Variants in FNIP1 observed in about 807,000 individuals in gnomAD.
The protein encoded by FNIP1 is folliculin interacting protein 1.
In FNIP1, 40 loss-of-function variants were observed where a neutral mutation model predicts 124.5. The observed-to-expected ratio is 0.32, with a 90% CI of 0.25 to 0.42. The LOEUF (loss-of-function observed/expected upper bound fraction) is 0.42, where lower values mean the gene tolerates loss of function less well. FNIP1 is among the 10% of genes least tolerant of loss of function. The probability of loss-of-function intolerance (pLI) is 1.00; values close to 1 mark genes in which losing one functional copy is unlikely to be tolerated. For missense variants in FNIP1, 1,176 were observed against 1,403.7 expected (o/e 0.84, Z 2.59); for synonymous variants, 472 against 470.6 (o/e 1.00, Z -0.04).
Position 131,707,784 on chromosome 5 carries a change from A to G in FNIP1, c.779-1238T>C, listed in dbSNP as rs993558663. Among the ~76,000 whole-genome samples, 22 of 152,328 alleles carry G rather than the reference A, an allele frequency of 1.4e-4. No homozygotes were observed. In the East Asian group the frequency reaches 2.5e-3, roughly 17 times the overall value. ...CTATTAGAAAAAAAAGAAAACACAC[A>G]TTAACTTAAATGGCATATATGAATC... is the stretch of plus-strand genomic sequence containing the variant. On this transcript the variant is annotated intron_variant, in intron 8 of 17. Transcript: ENST00000510461.
chr5:131,665,573 A>AATAT (rs559618794), intron 15 of FNIP1, among the ~76,000 whole-genome samples: 2 of 149,592 alleles, frequency 1.3e-5, no homozygotes, highest in Non-Finnish European at 3.0e-5. Context: ...AGGATTAAAA[A>AATAT]ATATATATAT....
chr5:131,761,864 A>C (rs1376170544), intron 1 of FNIP1, among the ~76,000 whole-genome samples: 1 of 152,202 alleles, frequency 6.6e-6, no homozygotes, highest in Non-Finnish European at 1.5e-5. Context: ...TTTAAATTAT[A>C]CTACAGTGCT....
At chr5:131,724,737 G>C (rs750712219) in intron 3 of FNIP1, among the ~76,000 whole-genome samples, 1 of 152,142 alleles carries the variant, frequency 6.6e-6, no homozygotes, top group Non-Finnish European at 1.5e-5. Flanking sequence ...GGCTTTTGTT[G>C]CCATTGCTTT....
intron 1 of FNIP1, among the ~76,000 whole-genome samples, chr5:131,772,664 A>G (rs1339918225): frequency 6.6e-6 from 1 of 152,104 alleles, no homozygotes; most frequent in Non-Finnish European, 1.5e-5. Flanking sequence ...CAGTCTCCCA[A>G]TTGGGTAGAT....
At chr5:131,743,865 A>G (rs539414080) in intron 2 of FNIP1, among the ~76,000 whole-genome samples, 1 of 152,306 alleles carries the variant, frequency 6.6e-6, no homozygotes, top group South Asian at 2.1e-4. Flanking sequence ...TTGTTATAGT[A>G]GCCTGAACTA....
Position 131,672,329 on chromosome 5 carries a change from T to G in FNIP1, c.2115A>C (p.Thr705=), listed in dbSNP as rs769749960. 16 of 1,614,104 alleles carry G rather than the reference T, an allele frequency of 9.9e-6. No individual in the cohort carries two copies. Among genetic ancestry groups the G allele is most frequent in the Non-Finnish European group, 1.3e-5 (15 of 1,180,032 alleles). ...AATCCAGCAACTTCTCACTCTGCCA[T>G]GTTTCCTCTGTTGACTCTAAGCCTG... ...SESGLESTEE[T]WQSEKLLDSD... is the part of the protein sequence containing the mutation. Residue 705 remains threonine, a synonymous_variant, in exon 14 of 18, where the codon ACA becomes ACC. Coordinates refer to ENST00000510461, the MANE Select transcript of FNIP1 (RefSeq NM_133372.3).
Position 131,644,843 on chromosome 5 carries a change from G to C in FNIP1, c.3423-80C>G. The stretch of plus-strand genomic sequence containing the variant: ...ACTCTACAGGCAATGACCACCAACT[G>C]TAAGGTCACTATACCTCAACGGTTA... On this transcript the variant is annotated intron_variant, in intron 17 of 17. Coordinates refer to ENST00000510461, the MANE Select transcript of FNIP1 (RefSeq NM_133372.3). 1.1e-5 allele frequency: 15 copies of C among 1,368,622 alleles called. 1 individual carries two copies. Among genetic ancestry groups the C allele is most frequent in the Non-Finnish European group, 1.5e-5 (14 of 965,188 alleles). 84.8% of individuals were successfully genotyped at this position (1,368,622 alleles called of 1,614,324 possible). A position where few individuals can be genotyped will look rare whatever the true frequency, so the allele number is the denominator to read the frequency against.
intron 7 of FNIP1, among the ~76,000 whole-genome samples, chr5:131,709,968 C>A (rs1021404466): frequency 2.6e-5 from 4 of 151,952 alleles, no homozygotes; most frequent in Admixed American, 1.3e-4. Flanking sequence ...TTAGGTAATC[C>A]GCTAAAATGT....
intron 17 of FNIP1, 24 bp from the exon 18 acceptor site, chr5:131,644,787 T>C: frequency 1.2e-6 from 2 of 1,610,604 alleles, no homozygotes; most frequent in Non-Finnish European, 1.7e-6. Flanking sequence ...GAAAAAAATG[T>C]CAGTTTTGAT....
rs1050437024 is a variant in FNIP1 at position 131,674,404 on chromosome 5, A to G, written c.1520-1480T>C. Among the ~76,000 whole-genome samples, 3 of 152,150 alleles carry G rather than the reference A, an allele frequency of 2.0e-5. No individual in the cohort carries two copies. In the East Asian group the frequency reaches 5.8e-4, roughly 29 times the overall value. On this transcript the variant is annotated intron_variant, in intron 13 of 17. Transcript: ENST00000510461. ...ATGCTATACTTCAAATTAAACCAGT[A>G]ATTTCAGTGCCAAAACTATGGAGAA...
At position 131,644,766 on chromosome 5, in the gene FNIP1, G is replaced by A. The variant is rs748504184; in HGVS notation, c.3423-3C>T. 8.1e-6 allele frequency: 13 copies of A among 1,613,486 alleles called. No homozygotes were observed. In the East Asian group the frequency reaches 2.9e-4, roughly 36 times the overall value. On this transcript the variant is annotated splice_polypyrimidine_tract_variant and splice_region_variant and intron_variant, in intron 17 of 17. Coordinates refer to ENST00000510461, the MANE Select transcript of FNIP1 (RefSeq NM_133372.3). ...GTGGAAGATCACTGGATTCAATCCT[G>A]AAATAAAGGGGAAAAAAATGTCAGT...
At chr5:131,696,208 C>T (rs1001935731) in intron 11 of FNIP1, among the ~76,000 whole-genome samples, 1 of 152,070 alleles carries the variant, frequency 6.6e-6, no homozygotes, top group African/African-American at 2.4e-5. Flanking sequence ...AGTTATGAAG[C>T]CAAAGTAGAC....
intron 15 of FNIP1, 21 bp from the exon 16 acceptor site, chr5:131,652,020 C>A: frequency 1.3e-6 from 2 of 1,594,578 alleles, no homozygotes; most frequent in East Asian, 2.2e-5. Context: ...AAGAATAATT[C>A]ATCTTATGTT....
intron 1 of FNIP1, among the ~76,000 whole-genome samples, chr5:131,761,998 C>T (rs1271080076): frequency 6.6e-6 from 1 of 152,122 alleles, no homozygotes; most frequent in Non-Finnish European, 1.5e-5. Context: ...CAAGAACATA[C>T]ATTTGAGAAA....
chr5:131,703,323 T>C (rs1443125837), intron 10 of FNIP1, among the ~76,000 whole-genome samples: 1 of 152,254 alleles, frequency 6.6e-6, no homozygotes, highest in Non-Finnish European at 1.5e-5. Flanking sequence ...CATCTACTTT[T>C]GCTCCTAGAA....
At position 131,695,644 on chromosome 5, in the gene FNIP1, G is replaced by C. The variant is rs571312418; in HGVS notation, c.1202+3273C>G. On this transcript the variant is annotated intron_variant, in intron 11 of 17. Transcript: ENST00000510461. ...CCGAAGTATAAACTAATAATCTTCC[G>C]AGGCCTGGCAGGAATAAAATTATAC... 7.2e-5 allele frequency among the ~76,000 whole-genome samples: 11 copies of C among 152,186 alleles called. No homozygotes were observed. In the South Asian group the frequency reaches 2.3e-3, roughly 32 times the overall value.
At chr5:131,728,029 T>G (rs775225936) in intron 3 of FNIP1, among the ~76,000 whole-genome samples, 23 of 152,292 alleles carry the variant, frequency 1.5e-4, no homozygotes, top group Admixed American at 3.9e-4. Context: ...GGCTTTAGAG[T>G]TTCTGCAGAG....
chr5:131,766,506 T>C (rs184653958), intron 1 of FNIP1, among the ~76,000 whole-genome samples: 7 of 152,332 alleles, frequency 4.6e-5, no homozygotes, highest in Admixed American at 3.3e-4. Context: ...TGTCATAGTC[T>C]AGAAGGTTTC....
At chr5:131,709,134 G>C in intron 8 of FNIP1, 67 bp downstream of exon 8, 1 of 1,272,406 alleles carries the variant, frequency 7.9e-7, no homozygotes, top group Middle Eastern at 1.9e-4. Flanking sequence ...ATAAAGGGAG[G>C]GATAAAAAAG....
Sources: gnomAD v4.1 joint callset for allele counts (sites outside exome capture counted in the v4.1 genomes callset) on GRCh38, gnomAD v4.1.1 for gene constraint, MANE v1.5 for transcripts, NCBI Gene and HGNC (gene_info 2026-07-23, HGNC 2026-07-21) for gene names.